PPP1R9B: variants seen among roughly 807,000 people sequenced by gnomAD.
The protein encoded by PPP1R9B is protein phosphatase 1 regulatory subunit 9B, also known as neurabin-2.
Under a neutral mutation model 75.8 loss-of-function variants are expected in PPP1R9B, and 17 were observed. The observed-to-expected ratio is 0.22, with a 90% CI of 0.15 to 0.34. PPP1R9B has a LOEUF of 0.34. PPP1R9B is among the 10% of genes least tolerant of loss of function. PPP1R9B has a pLI of 1.00. For synonymous variants in PPP1R9B, 509 were observed against 535.4 expected, an observed-to-expected ratio of 0.95 and a Z score of 0.68; for missense variants, 875 against 1,196.0, an observed-to-expected ratio of 0.73 and a Z score of 3.96.
Position 50,149,115 on chromosome 17 carries a change from C to A in PPP1R9B, c.1371+28G>T, listed in dbSNP as rs750042225. On this transcript the variant is annotated intron_variant, in intron 1 of 9. Coordinates refer to ENST00000612501, the MANE Select transcript of PPP1R9B (RefSeq NM_032595.5). The surrounding 1 kb of genome is among the most constrained non-coding windows in gnomAD (Gnocchi z 7.2). ...CCGCGTGCACGTGGCAGGGGCGGCG[C>A]GGGGGCAGGGCGGGGGGGCTCACTT... The A allele has an allele frequency of 1.3e-5, 15 of 1,146,750 alleles. No homozygotes were observed. Among genetic ancestry groups the A allele is most frequent in the Middle Eastern group, 3.4e-4 (1 of 2,966 alleles). The allele number at this position is 1,146,750 out of a possible 1,614,324, so 71.0% of individuals were successfully genotyped here.
intron 3 of PPP1R9B, 64 bp downstream of exon 3, chr17:50,143,534 C>T (rs1912440171): frequency 3.8e-6 from 6 of 1,594,446 alleles, no homozygotes; most frequent in Non-Finnish European, 4.3e-6. Flanking sequence ...CAGTGGCCCA[C>T]CCCACCAAGG....
At position 50,134,334 on chromosome 17, in the gene PPP1R9B, G is replaced by A. The variant is rs1036123003; in HGVS notation, c.*997C>T. 2 of 152,866 alleles carry A rather than the reference G, an allele frequency of 1.3e-5. No individual in the cohort carries two copies. The highest frequency in any genetic ancestry group is 2.9e-5 in the Non-Finnish European group (2 of 68,172). 9.5% of individuals were successfully genotyped at this position (152,866 alleles called of 1,614,324 possible). On this transcript the variant is annotated 3_prime_UTR_variant, in exon 10 of 10. Coordinates refer to ENST00000612501, the MANE Select transcript of PPP1R9B (RefSeq NM_032595.5). ...CAAAACATTGGAAAACCAGTAGGGGGTGGGGGCGAGGCTGACTCCCTGCAA... is the reference window on the plus strand; with the variant it reads ...CAAAACATTGGAAAACCAGTAGGGGATGGGGGCGAGGCTGACTCCCTGCAA...
In PPP1R9B at chr17:50,142,480, C is replaced by T; in HGVS notation, c.1626-1107G>A. ...AAATGAAAGGGTATCCTGTTCCCGG[C>T]CCCTCTCCATGCCACCTGGGCCACA... On this transcript the variant is annotated intron_variant, in intron 3 of 9. Coordinates refer to ENST00000612501, the MANE Select transcript of PPP1R9B (RefSeq NM_032595.5). The surrounding 1 kb of genome is among the most constrained non-coding windows in gnomAD (Gnocchi z 4.1). Among the ~76,000 whole-genome samples, 1 of 152,162 alleles carries T rather than the reference C, an allele frequency of 6.6e-6. No homozygotes were observed. The highest frequency in any genetic ancestry group is 1.9e-4 in the East Asian group (1 of 5,196).
chr17:50,150,555 C>G lies in PPP1R9B; in HGVS notation c.-42G>C, dbSNP rs1394268926. 28 of 1,266,798 alleles carry G rather than the reference C, an allele frequency of 2.2e-5. No individual in the cohort carries two copies. Among genetic ancestry groups the G allele is most frequent in the Non-Finnish European group, 2.5e-5 (25 of 1,005,960 alleles). The allele number at this position is 1,266,798 out of a possible 1,614,324, so 78.5% of individuals were successfully genotyped here. On this transcript the variant is annotated 5_prime_UTR_variant, in exon 1 of 10. Coordinates refer to ENST00000612501, the MANE Select transcript of PPP1R9B (RefSeq NM_032595.5). This position sits in a 1 kb window ranked among gnomAD's most constrained non-coding sequence, Gnocchi z 8.7. ...TTCGCATGCCCCTGCTCCCCGCTCC[C>G]CCGCTTCAACAGGCGGCTGGCCAAG...
rs1912529236 is a variant in PPP1R9B at position 50,146,817 on chromosome 17, C to A, written c.1372-1572G>T. 2.0e-5 allele frequency among the ~76,000 whole-genome samples: 3 copies of A among 152,232 alleles called. No individual in the cohort carries two copies. The South Asian group carries it at 6.2e-4, about 32-fold the overall frequency. ...ACTGTGGCCAGGCAGAATGAGACTG[C>A]ACCCAGCTGGGACAGGTGGGTGGGT... On this transcript the variant is annotated intron_variant, in intron 1 of 9. Transcript: ENST00000612501.
chr17:50,138,157 T>C (rs1158497498), intron 7 of PPP1R9B, among the ~76,000 whole-genome samples: 1 of 38,482 alleles, frequency 2.6e-5, no homozygotes, highest in Non-Finnish European at 4.9e-5. Context: ...ATACTACGTG[T>C]GTGTGTGTGT....
rs1191618164 is a variant in PPP1R9B, at chr17:50,149,645, G to A, written c.869C>T (p.Pro290Leu). 3 of 1,516,460 alleles carry A rather than the reference G, an allele frequency of 2.0e-6. No homozygotes were observed. Among genetic ancestry groups the A allele is most frequent in the East Asian group, 2.5e-5 (1 of 39,976 alleles). The allele number at this position is 1,516,460 out of a possible 1,614,324, so 93.9% of individuals were successfully genotyped here. A position where few individuals can be genotyped will look rare whatever the true frequency, so the allele number is the denominator to read the frequency against. Reference protein sequence around the residue: ...QHRVAPARPPPKPREVRKIKP... With the variant: ...QHRVAPARPPLKPREVRKIKP... ...AATCTTGCGCACCTCCCGGGGCTTG[G>A]GGGGCGGCCGGGCAGGGGCCACTCG... The change falls in exon 1 of 10, where the codon CCC (proline) becomes CTC (leucine). Residue 290 changes from proline to leucine, a missense_variant. Physicochemically the swap from Pro to Leu is moderately conservative, Grantham distance 98. Around this residue, in one of 4 missense-constraint regions of PPP1R9B, gnomAD observed 449 missense variants for 475.0 expected, o/e 0.95. Transcript: ENST00000612501. The surrounding 1 kb of genome is among the most constrained non-coding windows in gnomAD (Gnocchi z 7.2).
chr17:50,141,304 C>A lies in PPP1R9B; in HGVS notation c.1695G>T (p.Ala565=), dbSNP rs147618779. Reference sequence around the variant, plus strand: ...CCTTGGTGTTCCGGAGCACAGACGCCGCGAAGCTCTGGGTCACTCCCACCA... The same window carrying A: ...CCTTGGTGTTCCGGAGCACAGACGCAGCGAAGCTCTGGGTCACTCCCACCA... ...TSLVGVTQSF[A]ASVLRNTKGR... Residue 565 remains alanine (A), a synonymous_variant, in exon 4 of 10, where the codon GCG becomes GCT. Transcript: ENST00000612501. The A allele has an allele frequency of 6.3e-7, 1 of 1,591,906 alleles. No homozygotes were observed. Among genetic ancestry groups the A allele is most frequent in the African/African-American group, 1.3e-5 (1 of 74,264 alleles).
Position 50,150,632 on chromosome 17 carries a change from T to A in PPP1R9B, c.-119A>T. 2 of 1,063,816 alleles carry A rather than the reference T, an allele frequency of 1.9e-6. No individual in the cohort carries two copies. Among genetic ancestry groups the A allele is most frequent in the East Asian group, 3.3e-5 (1 of 30,696 alleles). The allele number at this position is 1,063,816 out of a possible 1,614,324, so 65.9% of individuals were successfully genotyped here. A position where few individuals can be genotyped will look rare whatever the true frequency, so the allele number is the denominator to read the frequency against. On this transcript the variant is annotated 5_prime_UTR_variant, in exon 1 of 10. Transcript: ENST00000612501. The surrounding 1 kb of genome is among the most constrained non-coding windows in gnomAD (Gnocchi z 8.7). ...TAAAAGAAACCCCGAAGGCCTTTTT[T>A]AGGGTCCCCCCAAAACCAAGCTGCC...
At position 50,140,143 on chromosome 17, in the gene PPP1R9B, G is replaced by A; in HGVS notation, c.1816C>T (p.Arg606Trp). The change falls in exon 5 of 10, where the codon CGG becomes TGG. Residue 606 changes from arginine (R) to tryptophan (W), a missense_variant. Physicochemically the swap from Arg to Trp is moderately radical, Grantham distance 101. Around this residue, in one of 4 missense-constraint regions of PPP1R9B, gnomAD observed 218 missense variants for 334.6 expected, o/e 0.65. Transcript: ENST00000612501. ...GCGTATCTCTGCTCCATCATCTCCC[G>A]CTGCCATCGCTCCTGTTCCAAAGTC... ...QQTLEQERWQREMMEQRYAQY... is the reference protein window; with the variant it reads ...QQTLEQERWQWEMMEQRYAQY... The A allele has an allele frequency of 1.9e-6, 3 of 1,613,102 alleles. No homozygotes were observed. Among genetic ancestry groups the A allele is most frequent in the Non-Finnish European group, 1.7e-6 (2 of 1,179,626 alleles).
rs780390675 is a variant in PPP1R9B at position 50,139,252 on chromosome 17, C to A, written c.2073+11G>T. 1.2e-6 allele frequency: 2 copies of A among 1,614,046 alleles called. No homozygotes were observed. The highest frequency in any genetic ancestry group is 8.5e-7 in the Non-Finnish European group (1 of 1,179,874). Reference sequence around the variant, plus strand: ...GCACGCACGCAAAAGCACACACATACGCACCCTTACCTTTCTTTTCAGCTG... The same window carrying A: ...GCACGCACGCAAAAGCACACACATAAGCACCCTTACCTTTCTTTTCAGCTG... On this transcript the variant is annotated intron_variant, in intron 7 of 9. Coordinates refer to ENST00000612501, the MANE Select transcript of PPP1R9B (RefSeq NM_032595.5). The surrounding 1 kb of genome is among the most constrained non-coding windows in gnomAD (Gnocchi z 5.0).
intron 2 of PPP1R9B, among the ~76,000 whole-genome samples, chr17:50,144,327 C>G (rs1315308008): frequency 6.6e-6 from 1 of 152,158 alleles, no homozygotes; most frequent in African/African-American, 2.4e-5. Context: ...CAAATGACCC[C>G]CAGATGCTAT....
chr17:50,133,907 C>T lies in PPP1R9B; in HGVS notation c.*1424G>A, dbSNP rs1453492329. 2 of 152,664 alleles carry T rather than the reference C, an allele frequency of 1.3e-5. No individual in the cohort carries two copies. Among genetic ancestry groups the T allele is most frequent in the Non-Finnish European group, 2.9e-5 (2 of 68,068 alleles). 9.5% of individuals were successfully genotyped at this position (152,664 alleles called of 1,614,324 possible). ...AGCGGCCCCGCCCACCCGGTTCCGCCCCCTCCATCTGCCGGGGTGAAGTGC... is the reference window on the plus strand; with the variant it reads ...AGCGGCCCCGCCCACCCGGTTCCGCTCCCTCCATCTGCCGGGGTGAAGTGC... On this transcript the variant is annotated 3_prime_UTR_variant, in exon 10 of 10. Coordinates refer to ENST00000612501, the MANE Select transcript of PPP1R9B (RefSeq NM_032595.5).
rs1567728653 is a variant in PPP1R9B at position 50,141,306 on chromosome 17, C to T, written c.1693G>A (p.Ala565Thr). 2 of 1,592,332 alleles carry T rather than the reference C, an allele frequency of 1.3e-6. No individual in the cohort carries two copies. Among genetic ancestry groups the T allele is most frequent in the Admixed American group, 1.7e-5 (1 of 57,856 alleles). Residue 565 changes from alanine (A) to threonine (T), a missense_variant, in exon 4 of 10, where the codon GCG becomes ACG. Around this residue, in one of 4 missense-constraint regions of PPP1R9B, gnomAD observed 218 missense variants for 334.6 expected, o/e 0.65. Coordinates refer to ENST00000612501, the MANE Select transcript of PPP1R9B (RefSeq NM_032595.5). ...TTGGTGTTCCGGAGCACAGACGCCG[C>T]GAAGCTCTGGGTCACTCCCACCAGA... Reference protein sequence around the residue: ...TSLVGVTQSFAASVLRNTKGR... With the variant: ...TSLVGVTQSFTASVLRNTKGR...
Position 50,135,283 on chromosome 17 carries a change from G to A in PPP1R9B, c.*48C>T, listed in dbSNP as rs112174364. On this transcript the variant is annotated 3_prime_UTR_variant, in exon 10 of 10. Transcript: ENST00000612501. ...GGGGTGTTGAGGACAGGGGAGGGAG[G>A]ACAATGGGAGGGGGGTTAATTATTG... The A allele has an allele frequency of 6.6e-7, 1 of 1,524,770 alleles. No homozygotes were observed. Among genetic ancestry groups the A allele is most frequent in the Non-Finnish European group, 9.1e-7 (1 of 1,101,122 alleles). 94.5% of individuals were successfully genotyped at this position (1,524,770 alleles called of 1,614,324 possible).
Position 50,150,103 on chromosome 17 carries a change from C to T in PPP1R9B, c.411G>A (p.Pro137=). 12 of 1,398,082 alleles carry T rather than the reference C, an allele frequency of 8.6e-6. No homozygotes were observed. The highest frequency in any genetic ancestry group is 1.0e-5 in the Non-Finnish European group (11 of 1,081,532). The allele number at this position is 1,398,082 out of a possible 1,614,324, so 86.6% of individuals were successfully genotyped here. The change falls in exon 1 of 10, where the codon CCG becomes CCA. Residue 137 remains proline (P), a synonymous_variant. Transcript: ENST00000612501. The surrounding 1 kb of genome is among the most constrained non-coding windows in gnomAD (Gnocchi z 8.7). ...CCTGCAGCCGGGACGGCGGGTGCGG[C>T]GGCGGCGCAGGCTGCGCGGAGGGCG... ...KPAPSAQPAP[P]PHPPSRLQET... is the part of the protein sequence containing the mutation.
In PPP1R9B at chr17:50,139,507, C is replaced by T; in HGVS notation, c.1941G>A (p.Val647=). 2.5e-6 allele frequency: 4 copies of T among 1,601,480 alleles called. No homozygotes were observed. Among genetic ancestry groups the T allele is most frequent in the Non-Finnish European group, 3.4e-6 (4 of 1,172,448 alleles). The change falls in exon 6 of 10, where the codon GTG becomes GTA. Residue 647 remains valine, a synonymous_variant. Transcript: ENST00000612501. The surrounding 1 kb of genome is among the most constrained non-coding windows in gnomAD (Gnocchi z 5.0). ...CATCCTCGTTCTCCGCTAGCTCAAA[C>T]ACCTCGATGGCCATCTCACCACCCG... ...TFPGGEMAIE[V]FELAENEDAL...
In PPP1R9B at chr17:50,149,771, G is replaced by C; in HGVS notation, c.743C>G (p.Ser248Cys). The change falls in exon 1 of 10, where the codon TCC becomes TGC. Residue 248 changes from serine (S) to cysteine (C), a missense_variant. Ser to Cys is a moderately radical substitution (Grantham distance 112, BLOSUM62 -1). Coordinates refer to ENST00000612501, the MANE Select transcript of PPP1R9B (RefSeq NM_032595.5). The surrounding 1 kb of genome is among the most constrained non-coding windows in gnomAD (Gnocchi z 7.2). ...CGGCGGCGGGGGCTGGAACACCCGG[G>C]ACCGCTTGCTGACCAGCTTCGAGTT... ...QVNSKLVSKR[S>C]RVFQPPPPPP... The C allele has an allele frequency of 7.1e-7, 1 of 1,412,018 alleles. No homozygotes were observed. The highest frequency in any genetic ancestry group is 9.2e-7 in the Non-Finnish European group (1 of 1,091,890). The allele number at this position is 1,412,018 out of a possible 1,614,324, so 87.5% of individuals were successfully genotyped here. A position where few individuals can be genotyped will look rare whatever the true frequency, so the allele number is the denominator to read the frequency against.
Position 50,149,767 on chromosome 17 carries a change from C to A in PPP1R9B, c.747G>T (p.Arg249=). 7.1e-7 allele frequency: 1 copy of A among 1,411,910 alleles called. No homozygotes were observed. The highest frequency in any genetic ancestry group is 9.2e-7 in the Non-Finnish European group (1 of 1,091,930). The allele number at this position is 1,411,910 out of a possible 1,614,324, so 87.5% of individuals were successfully genotyped here. Residue 249 remains arginine, a synonymous_variant, in exon 1 of 10, where the codon CGG becomes CGT. Transcript: ENST00000612501. This position sits in a 1 kb window ranked among gnomAD's most constrained non-coding sequence, Gnocchi z 7.2. ...GCGGCGGCGGCGGGGGCTGGAACAC[C>A]CGGGACCGCTTGCTGACCAGCTTCG... The part of the protein sequence containing the change: ...VNSKLVSKRS[R]VFQPPPPPPP...
Sources: allele counts gnomAD v4.1 joint callset (sites outside exome capture counted in the v4.1 genomes callset), GRCh38; gene constraint gnomAD v4.1.1; regional missense constraint gnomAD v4.1.1; non-coding constraint Gnocchi (gnomAD v3.1); transcripts MANE v1.5; gene names NCBI Gene and HGNC (gene_info 2026-07-23, HGNC 2026-07-21).